Variants in DNAH14 observed in about 807,000 individuals in gnomAD.
DNAH14 encodes the protein dynein axonemal heavy chain 14, also known as axonemal beta dynein heavy chain 14.
In DNAH14, 478 loss-of-function variants were observed where a neutral mutation model predicts 520.9. That is an observed-to-expected ratio of 0.92 (90% CI 0.85 to 0.99). DNAH14 has a LOEUF of 0.99. DNAH14 is among the 50% of genes least tolerant of loss of function. The pLI is 0.00. For missense variants in DNAH14, 4,831 were observed against 5,234.5 expected (o/e 0.92, Z 2.38); for synonymous variants, 1,581 against 1,757.2 (o/e 0.90, Z 2.51).
chr1:225,333,252 AT>A, intron 65 of DNAH14, 38 bp from the exon 66 acceptor site: 2 of 1,448,286 alleles, frequency 1.4e-6, no homozygotes, highest in Non-Finnish European at 1.9e-6. Flanking sequence ...ATGATAATAT[AT>A]TTTATATAGA....
chr1:225,073,978 G>A (rs1214621080), intron 17 of DNAH14, among the ~76,000 whole-genome samples: 1 of 142,286 alleles, frequency 7.0e-6, no homozygotes, highest in Non-Finnish European at 1.5e-5. Flanking sequence ...ACCGCACTCA[G>A]CTGTTTTAGG....
intron 36 of DNAH14, among the ~76,000 whole-genome samples, chr1:225,176,606 G>T (rs750331376): frequency 6.9e-6 from 1 of 144,226 alleles, no homozygotes; most frequent in Admixed American, 7.1e-5. Context: ...CTTGAATTCC[G>T]TGTTGTGGGA....
chr1:225,021,081 T>G (rs1251307670), intron 10 of DNAH14, among the ~76,000 whole-genome samples: 1 of 152,188 alleles, frequency 6.6e-6, no homozygotes, highest in Non-Finnish European at 1.5e-5. Context: ...AGGAAATGCT[T>G]TTGATAAAAT....
chr1:224,961,103 TC>T (rs922674429), intron 4 of DNAH14: 2 of 152,134 alleles, frequency 1.3e-5, no homozygotes, highest in African/African-American at 4.8e-5. Context: ...CTAGAGTCTC[TC>T]CCCTTTGCTG....
chr1:225,049,364 A>AT (rs1246580888), intron 15 of DNAH14, among the ~76,000 whole-genome samples: 2 of 150,094 alleles, frequency 1.3e-5, no homozygotes, highest in Admixed American at 6.7e-5. Context: ...CCCAGCACCT[A>AT]TTTTTTTTTA....
intron 27 of DNAH14, among the ~76,000 whole-genome samples, chr1:225,130,262 A>G (rs1049162781): frequency 2.6e-5 from 4 of 152,110 alleles, no homozygotes; most frequent in Non-Finnish European, 4.4e-5. Context: ...TCAGTGTGGC[A>G]ATTCCTCAGA....
intron 17 of DNAH14, among the ~76,000 whole-genome samples, chr1:225,073,501 T>A (rs1241492304): frequency 6.6e-6 from 1 of 152,112 alleles, no homozygotes; most frequent in Non-Finnish European, 1.5e-5. Context: ...AGAGCGGATG[T>A]ATTGTGCTGG....
At position 225,329,135 on chromosome 1, in the gene DNAH14, T is replaced by C. The variant is rs1231978258; in HGVS notation, c.9724-2302T>C. On this transcript the variant is annotated intron_variant, in intron 64 of 85. Coordinates refer to ENST00000682510, the MANE Select transcript of DNAH14 (RefSeq NM_001367479.1). ...TAAGACCACAATCCAAGAGATGATA[T>C]CAGGAAACTTAAAATTACTTCTCAA... Among the ~76,000 whole-genome samples, 4 of 152,138 alleles carry C rather than the reference T, an allele frequency of 2.6e-5. No individual in the cohort carries two copies. In the East Asian group the frequency reaches 7.7e-4, roughly 29 times the overall value.
chr1:225,264,350 GAAT>G (rs2093040411), intron 47 of DNAH14, 89 bp downstream of exon 47: 1 of 1,057,496 alleles, frequency 9.5e-7, no homozygotes, highest in Non-Finnish European at 1.4e-6. Flanking sequence ...ATGGATCTCA[GAAT>G]AATAATTTCA....
intron 54 of DNAH14, among the ~76,000 whole-genome samples, chr1:225,282,005 A>C (rs1228818460): frequency 6.6e-6 from 1 of 152,210 alleles, no homozygotes; most frequent in Non-Finnish European, 1.5e-5. Context: ...AAGATAGTGG[A>C]TATTTTAAGT....
chr1:225,005,308 T>A (rs538983225), intron 9 of DNAH14, among the ~76,000 whole-genome samples: 1 of 152,320 alleles, frequency 6.6e-6, no homozygotes, highest in South Asian at 2.1e-4. Flanking sequence ...AATCTACATT[T>A]TAAATCGGTT....
intron 23 of DNAH14, among the ~76,000 whole-genome samples, chr1:225,112,502 A>C (rs978991883): frequency 6.6e-6 from 1 of 151,990 alleles, no homozygotes. Context: ...TTCAATACTG[A>C]TATCTTTCTC....
intron 11 of DNAH14, among the ~76,000 whole-genome samples, chr1:225,035,549 T>C (rs2066894250): frequency 6.6e-6 from 1 of 152,010 alleles, no homozygotes; most frequent in South Asian, 2.1e-4. Context: ...TATACTTCCC[T>C]GTTAGTACTG....
intron 21 of DNAH14, among the ~76,000 whole-genome samples, chr1:225,088,670 A>G (rs968619807): frequency 5.3e-5 from 8 of 152,208 alleles, no homozygotes; most frequent in African/African-American, 1.9e-4. Context: ...ATAGATTTAC[A>G]CTCAATACAT....
intron 55 of DNAH14, among the ~76,000 whole-genome samples, chr1:225,296,908 T>A (rs1455471895): frequency 1.3e-5 from 2 of 152,160 alleles, no homozygotes; most frequent in Admixed American, 1.3e-4. Flanking sequence ...ATTTTTAGAA[T>A]CTTCTCTTTG....
At chr1:225,057,710 C>A (rs747385704) in intron 17 of DNAH14, among the ~76,000 whole-genome samples, 2 of 152,112 alleles carry the variant, frequency 1.3e-5, no homozygotes, top group African/African-American at 4.8e-5. Context: ...CCCATCAATA[C>A]CTAATTTATT....
At chr1:224,935,604 A>G (rs2058980157) in intron 1 of DNAH14, among the ~76,000 whole-genome samples, 2 of 151,930 alleles carry the variant, frequency 1.3e-5, no homozygotes, top group South Asian at 4.1e-4. Flanking sequence ...AAAGACTGCC[A>G]TACAATAATA....
At chr1:225,104,426 T>C (rs1484526415) in intron 23 of DNAH14, among the ~76,000 whole-genome samples, 1 of 152,228 alleles carries the variant, frequency 6.6e-6, no homozygotes, top group Non-Finnish European at 1.5e-5. Context: ...GATTCCCTCT[T>C]TTTCTATTGT....
At chr1:225,336,015 A>G (rs1405505883) in intron 66 of DNAH14, among the ~76,000 whole-genome samples, 3 of 132,482 alleles carry the variant, frequency 2.3e-5, no homozygotes, top group East Asian at 2.3e-4. Flanking sequence ...GTATACGCAT[A>G]TATGCATATA....
Sources: gnomAD v4.1 joint callset for allele counts (sites outside exome capture counted in the v4.1 genomes callset) on GRCh38, gnomAD v4.1.1 for gene constraint, MANE v1.5 for transcripts, NCBI Gene and HGNC (gene_info 2026-07-23, HGNC 2026-07-21) for gene names.